The following PTPN5 variants were observed in gnomAD, a reference collection of about 807,000 sequenced individuals.
The protein encoded by PTPN5 is tyrosine-protein phosphatase non-receptor type 5.
PTPN5 carries 29 observed loss-of-function variants against 73.9 expected under a neutral mutation model. The ratio of observed to expected loss-of-function variants is 0.39; its 90% CI spans 0.29 to 0.54. The LOEUF (loss-of-function observed/expected upper bound fraction) is 0.54. PTPN5 is among the 20% of genes least tolerant of loss of function. The probability of loss-of-function intolerance (pLI) is 0.65; values close to 1 mark genes in which losing one functional copy is unlikely to be tolerated. For missense variants in PTPN5, 652 were observed against 751.4 expected (o/e 0.87, Z 1.55); for synonymous variants, 267 against 304.7 (o/e 0.88, Z 1.29).
chr11:18,775,876 C>G (rs1478750129), intron 1 of PTPN5, among the ~76,000 whole-genome samples: 1 of 152,130 alleles, frequency 6.6e-6, no homozygotes, highest in Admixed American at 6.5e-5. Flanking sequence ...AGAGGGCGCT[C>G]ACAGCATCAG....
chr11:18,763,506 A>T (rs1026027342), intron 3 of PTPN5, among the ~76,000 whole-genome samples: 1 of 151,872 alleles, frequency 6.6e-6, no homozygotes. Context: ...CATGACCAAA[A>T]CTCTTCTATT....
At chr11:18,739,952 G>A (rs983305152) in intron 8 of PTPN5, among the ~76,000 whole-genome samples, 10 of 152,174 alleles carry the variant, frequency 6.6e-5, no homozygotes, top group South Asian at 2.1e-4. Flanking sequence ...TCTCAGTATC[G>A]GGAGGCTCAC....
At chr11:18,756,062 G>A (rs1306684980) in intron 3 of PTPN5, among the ~76,000 whole-genome samples, 2 of 150,456 alleles carry the variant, frequency 1.3e-5, no homozygotes, top group Non-Finnish European at 3.0e-5. Flanking sequence ...GTCAGGCACA[G>A]CCCAAATAGG....
chr11:18,779,631 G>A (rs980822715), intron 1 of PTPN5, among the ~76,000 whole-genome samples: 1 of 152,166 alleles, frequency 6.6e-6, no homozygotes, highest in African/African-American at 2.4e-5. Context: ...CCTGGGCCAA[G>A]GATGGCTGAT....
chr11:18,761,299 C>T (rs866924576), intron 3 of PTPN5, among the ~76,000 whole-genome samples: 25 of 152,276 alleles, frequency 1.6e-4, no homozygotes, highest in African/African-American at 4.3e-4. Flanking sequence ...TGTACCTCCG[C>T]GGCAGCTGCT....
At chr11:18,762,117 C>T (rs114054463) in intron 3 of PTPN5, among the ~76,000 whole-genome samples, 1,696 of 152,200 alleles carry the variant, frequency 0.011, 17 homozygotes, top group African/African-American at 0.029. Context: ...ATGCTGAGGA[C>T]GTTTCCACCA....
chr11:18,733,413 T>G lies in PTPN5; in HGVS notation c.1081-41A>C. 1 of 1,610,392 alleles carries G rather than the reference T, an allele frequency of 6.2e-7. No homozygotes were observed. Among genetic ancestry groups the G allele is most frequent in the Non-Finnish European group, 8.5e-7 (1 of 1,177,094 alleles). On this transcript the variant is annotated intron_variant, in intron 10 of 14. Coordinates refer to ENST00000358540, the MANE Select transcript of PTPN5 (RefSeq NM_006906.2). The surrounding 1 kb of genome is among the most constrained non-coding windows in gnomAD (Gnocchi z 4.3). ...TCCAGGCTGTCAGGGTCAGAGGCAG[T>G]GCTCCCAGGACCCCATCCCCACACT...
chr11:18,751,426 C>T (rs987511772), intron 3 of PTPN5, among the ~76,000 whole-genome samples: 1 of 152,208 alleles, frequency 6.6e-6, no homozygotes, highest in Non-Finnish European at 1.5e-5. Flanking sequence ...AAATTTCCAG[C>T]TTCTCCCAGC....
intron 3 of PTPN5, among the ~76,000 whole-genome samples, chr11:18,747,431 G>A (rs928553549): frequency 2.0e-5 from 3 of 152,048 alleles, no homozygotes; most frequent in Middle Eastern, 3.4e-3. Flanking sequence ...AATTACAGGC[G>A]TGAGCCACCG....
rs375850572 is a variant in PTPN5 at position 18,756,698 on chromosome 11, G to A, written c.97+9109C>T. Among the ~76,000 whole-genome samples, 188 of 151,944 alleles carry A rather than the reference G, an allele frequency of 1.2e-3. 7 individuals carry two copies. In the South Asian group the frequency reaches 0.037, roughly 30 times the overall value. On this transcript the variant is annotated intron_variant, in intron 3 of 14. Transcript: ENST00000358540. The stretch of plus-strand genomic sequence containing the variant: ...AGCACTTTGGGAGGCCGAGGCGGGC[G>A]GATCATGAGGTCAGGAGATCGAGAC...
chr11:18,745,003 T>C (rs375077742), intron 3 of PTPN5, among the ~76,000 whole-genome samples: 12 of 152,214 alleles, frequency 7.9e-5, no homozygotes, highest in African/African-American at 2.7e-4. Context: ...CTGTACCATA[T>C]ACTGGATTTC....
At chr11:18,749,958 G>A (rs1849811416) in intron 3 of PTPN5, among the ~76,000 whole-genome samples, 1 of 152,190 alleles carries the variant, frequency 6.6e-6, no homozygotes, top group South Asian at 2.1e-4. Flanking sequence ...GTGGCCAGCG[G>A]TCACAGGGAG....
At chr11:18,740,244 G>T (rs1027292418) in intron 8 of PTPN5, among the ~76,000 whole-genome samples, 2 of 152,286 alleles carry the variant, frequency 1.3e-5, no homozygotes, top group South Asian at 4.1e-4. Context: ...TCGGCAGGAG[G>T]AAAGTGGGAA....
Position 18,733,716 on chromosome 11 carries a change from C to G in PTPN5, c.1001-81G>C, listed in dbSNP as rs1321778551. On this transcript the variant is annotated intron_variant, in intron 9 of 14. Coordinates refer to ENST00000358540, the MANE Select transcript of PTPN5 (RefSeq NM_006906.2). This position sits in a 1 kb window ranked among gnomAD's most constrained non-coding sequence, Gnocchi z 4.3. ...ACTTGCTCTGGCCTATTCCAGCATA[C>G]CCACACTTCTTCTGCGACATTAGCA... is the stretch of plus-strand genomic sequence containing the variant. 2 of 1,203,042 alleles carry G rather than the reference C, an allele frequency of 1.7e-6. No individual in the cohort carries two copies. Among genetic ancestry groups the G allele is most frequent in the African/African-American group, 1.5e-5 (1 of 67,024 alleles). The allele number at this position is 1,203,042 out of a possible 1,614,324, so 74.5% of individuals were successfully genotyped here.
chr11:18,757,813 T>A (rs750796566), intron 3 of PTPN5, among the ~76,000 whole-genome samples: 11 of 152,236 alleles, frequency 7.2e-5, no homozygotes, highest in Admixed American at 7.2e-4. Flanking sequence ...CAAATGAATA[T>A]TCGTCAGAGT....
At chr11:18,755,591 G>A (rs1168794787) in intron 3 of PTPN5, among the ~76,000 whole-genome samples, 1 of 152,128 alleles carries the variant, frequency 6.6e-6, no homozygotes, top group African/African-American at 2.4e-5. Flanking sequence ...ACTCAAGACT[G>A]GCAGAGGGTG....
intron 1 of PTPN5, among the ~76,000 whole-genome samples, chr11:18,789,573 GC>G (rs548859750): frequency 3.7e-4 from 57 of 152,288 alleles, no homozygotes; most frequent in African/African-American, 1.3e-3. Flanking sequence ...GTCAGTGGCA[GC>G]CCCTGAAGTT....
chr11:18,737,993 A>G, intron 8 of PTPN5, 29 bp from the exon 9 acceptor site: 1 of 1,579,002 alleles, frequency 6.3e-7, no homozygotes, highest in Non-Finnish European at 8.7e-7. Context: ...GGGTGTGAGC[A>G]GCTATGGGCC....
intron 9 of PTPN5, among the ~76,000 whole-genome samples, chr11:18,737,347 C>T (rs1343508484): frequency 6.6e-6 from 1 of 152,304 alleles, no homozygotes; most frequent in South Asian, 2.1e-4. Context: ...GGAGCTCACT[C>T]CCTGACAGAG....
Sources: gnomAD v4.1 joint callset for allele counts (sites outside exome capture counted in the v4.1 genomes callset) on GRCh38, gnomAD v4.1.1 for gene constraint, Gnocchi (gnomAD v3.1) non-coding constraint, MANE v1.5 for transcripts, NCBI Gene and HGNC (gene_info 2026-07-23, HGNC 2026-07-21) for gene names.